Variants in ARF1 observed in about 807,000 individuals in gnomAD.
The protein encoded by ARF1 is ARF GTPase 1.
ARF1 carries 1 observed loss-of-function variant against 18.0 expected under a neutral mutation model. The ratio of observed to expected loss-of-function variants is 0.06; its 90% CI spans 0.02 to 0.26. ARF1 has a LOEUF of 0.26. Among genes scored for constraint, ARF1 ranks in the 10% least tolerant of loss-of-function variants. The pLI is 1.00. For missense variants in ARF1, 73 were observed against 247.2 expected (o/e 0.30, Z 4.73); for synonymous variants, 112 against 96.3 (o/e 1.16, Z -0.95).
At chr1:228,087,091 C>A (rs2032426118) in intron 1 of ARF1, among the ~76,000 whole-genome samples, 2 of 152,152 alleles carry the variant, frequency 1.3e-5, no homozygotes, top group African/African-American at 4.8e-5. Context: ...GCCTTCTAGG[C>A]AGAATGTATT....
rs2032765920 is a variant in ARF1 at position 228,096,938 on chromosome 1, G to A, written c.-37-140G>A. Reference sequence around the variant, plus strand: ...ATCCTGAGGTGGATTTGGGGGGCATGGGAGGCAGGGCTCTTTCCCTGTTTC... The same window carrying A: ...ATCCTGAGGTGGATTTGGGGGGCATAGGAGGCAGGGCTCTTTCCCTGTTTC... On this transcript the variant is annotated intron_variant, in intron 1 of 4. Coordinates refer to ENST00000272102, the MANE Select transcript of ARF1 (RefSeq NM_001658.4). 6 of 726,138 alleles carry A rather than the reference G, an allele frequency of 8.3e-6. No homozygotes were observed. The East Asian group carries it at 1.8e-4, about 22-fold the overall frequency. The allele number at this position is 726,138 out of a possible 1,614,324, so 45.0% of individuals were successfully genotyped here.
At chr1:228,088,742 G>T (rs1456745464) in intron 1 of ARF1, among the ~76,000 whole-genome samples, 2 of 152,076 alleles carry the variant, frequency 1.3e-5, no homozygotes, top group Non-Finnish European at 2.9e-5. Flanking sequence ...TTCTCTGGCC[G>T]CCACCCTTGG....
At position 228,097,066 on chromosome 1, in the gene ARF1, T is replaced by G; in HGVS notation, c.-37-12T>G. The G allele has an allele frequency of 1.3e-6, 2 of 1,550,434 alleles. No individual in the cohort carries two copies. Among genetic ancestry groups the G allele is most frequent in the Non-Finnish European group, 1.7e-6 (2 of 1,147,130 alleles). On this transcript the variant is annotated splice_polypyrimidine_tract_variant and intron_variant, in intron 1 of 4. Transcript: ENST00000272102. The surrounding 1 kb of genome is among the most constrained non-coding windows in gnomAD (Gnocchi z 8.1). The stretch of plus-strand genomic sequence containing the variant: ...AGCACAGAACCAGACATGGAGCACC[T>G]TGTCTCTCCAGGTGTCCCTGGCCAG...
At chr1:228,094,346 G>A (rs1246132334) in intron 1 of ARF1, among the ~76,000 whole-genome samples, 2 of 152,000 alleles carry the variant, frequency 1.3e-5, no homozygotes, top group Non-Finnish European at 2.9e-5. Context: ...ACACACCCTC[G>A]CCTCAGCTTT....
At chr1:228,088,858 T>G (rs1028121137) in intron 1 of ARF1, among the ~76,000 whole-genome samples, 1 of 152,212 alleles carries the variant, frequency 6.6e-6, no homozygotes, top group Non-Finnish European at 1.5e-5. Flanking sequence ...GGATGCTGTC[T>G]CTACTTCCTT....
chr1:228,095,064 T>G (rs1191271891), intron 1 of ARF1, among the ~76,000 whole-genome samples: 1 of 152,200 alleles, frequency 6.6e-6, no homozygotes, highest in Non-Finnish European at 1.5e-5. Flanking sequence ...TCATCTTCCT[T>G]TTTCATTCTG....
rs2032517450 is a variant in ARF1, at chr1:228,089,750, T to C, written c.-38+6985T>C. Among the ~76,000 whole-genome samples the C allele has an allele frequency of 6.6e-6, 1 of 151,010 alleles. No individual in the cohort carries two copies. The highest frequency in any genetic ancestry group is 1.5e-5 in the Non-Finnish European group (1 of 67,622). On this transcript the variant is annotated intron_variant, in intron 1 of 4. Coordinates refer to ENST00000272102, the MANE Select transcript of ARF1 (RefSeq NM_001658.4). This position sits in a 1 kb window ranked among gnomAD's most constrained non-coding sequence, Gnocchi z 4.1. ...AGCAGTGTGCTGTTCCAGTTCCCCT[T>C]TTTTTTTTCAAGTGGTGTAGAAAGG... is the stretch of plus-strand genomic sequence containing the variant.
intron 1 of ARF1, among the ~76,000 whole-genome samples, chr1:228,094,388 C>T (rs1006299890): frequency 1.3e-5 from 2 of 152,174 alleles, no homozygotes; most frequent in Non-Finnish European, 2.9e-5. Flanking sequence ...CATCAGGACT[C>T]CCTGAGTATC....
chr1:228,094,223 T>C (rs555244231), intron 1 of ARF1, among the ~76,000 whole-genome samples: 2 of 152,304 alleles, frequency 1.3e-5, no homozygotes, highest in East Asian at 3.9e-4. Context: ...AGTCTGGTGC[T>C]GCCTCTGCCC....
chr1:228,091,918 T>C (rs1226989161), intron 1 of ARF1, among the ~76,000 whole-genome samples: 3 of 152,170 alleles, frequency 2.0e-5, no homozygotes, highest in East Asian at 3.8e-4. Context: ...AAAATCTTCG[T>C]GTGGGACATG....
At chr1:228,091,601 C>T (rs763730263) in intron 1 of ARF1, among the ~76,000 whole-genome samples, 8 of 152,192 alleles carry the variant, frequency 5.3e-5, no homozygotes, top group Non-Finnish European at 1.0e-4. Flanking sequence ...CATGTGTCTT[C>T]CCCTCTGAGC....
chr1:228,086,332 G>A (rs1372635412), intron 1 of ARF1, among the ~76,000 whole-genome samples: 5 of 152,014 alleles, frequency 3.3e-5, no homozygotes, highest in Non-Finnish European at 7.4e-5. Context: ...TGGCGAACAT[G>A]GTGATACCCC....
intron 1 of ARF1, among the ~76,000 whole-genome samples, chr1:228,091,976 T>C (rs1471468680): frequency 1.3e-5 from 2 of 152,200 alleles, no homozygotes; most frequent in East Asian, 1.9e-4. Flanking sequence ...TGTATGACTG[T>C]TGAAAGGCTG....
chr1:228,087,162 C>T (rs183383265), intron 1 of ARF1, among the ~76,000 whole-genome samples: 2 of 152,316 alleles, frequency 1.3e-5, no homozygotes, highest in East Asian at 3.9e-4. Flanking sequence ...TTCCAAAGGG[C>T]TTCCAGTGGT....
intron 1 of ARF1, among the ~76,000 whole-genome samples, chr1:228,090,217 G>T (rs553236724): frequency 1.3e-5 from 2 of 152,196 alleles, no homozygotes; most frequent in Non-Finnish European, 2.9e-5. Flanking sequence ...GGGAGTGCCT[G>T]CCCTCAAGTT....
intron 1 of ARF1, among the ~76,000 whole-genome samples, chr1:228,092,684 C>T (rs1270388270): frequency 2.0e-5 from 3 of 152,148 alleles, no homozygotes; most frequent in East Asian, 1.9e-4. Context: ...CTTCCGCCTG[C>T]GCCTGTTCCC....
At chr1:228,094,506 CTA>C (rs1452667219) in intron 1 of ARF1, among the ~76,000 whole-genome samples, 1 of 152,052 alleles carries the variant, frequency 6.6e-6, no homozygotes, top group African/African-American at 2.4e-5. Flanking sequence ...TCCGCATTGC[CTA>C]GAGTTGCCCA....
Position 228,097,317 on chromosome 1 carries a change from G to A in ARF1, c.149-25G>A. 2 of 1,612,500 alleles carry A rather than the reference G, an allele frequency of 1.2e-6. No individual in the cohort carries two copies. The highest frequency in any genetic ancestry group is 1.7e-6 in the Non-Finnish European group (2 of 1,179,114). On this transcript the variant is annotated intron_variant, in intron 2 of 4. Transcript: ENST00000272102. This position sits in a 1 kb window ranked among gnomAD's most constrained non-coding sequence, Gnocchi z 8.1. The stretch of plus-strand genomic sequence containing the variant: ...GGGCTGGGCTGGGCCAAGGTACAAG[G>A]CCTCACCCTGCATCCCGCACCCAGG...
chr1:228,083,751 T>A (rs1258856735), intron 1 of ARF1, among the ~76,000 whole-genome samples: 1 of 152,224 alleles, frequency 6.6e-6, no homozygotes, highest in African/African-American at 2.4e-5. Context: ...CGTGTGAGAT[T>A]GGGGCTGGAC....
Sources: gnomAD v4.1 joint callset for allele counts (sites outside exome capture counted in the v4.1 genomes callset) on GRCh38, gnomAD v4.1.1 for gene constraint, Gnocchi (gnomAD v3.1) non-coding constraint, MANE v1.5 for transcripts, NCBI Gene and HGNC (gene_info 2026-07-23, HGNC 2026-07-21) for gene names.